Variants in CDH18 observed in about 807,000 individuals in gnomAD.
CDH18 encodes the protein cadherin 18.
In CDH18, 31 loss-of-function variants were observed where a neutral mutation model predicts 67.9. The observed-to-expected ratio is 0.46, with a 90% CI of 0.34 to 0.62. The LOEUF (loss-of-function observed/expected upper bound fraction) is 0.62. Among genes scored for constraint, CDH18 ranks in the 20% least tolerant of loss-of-function variants. The pLI is 0.01. For synonymous variants in CDH18, 362 were observed against 347.2 expected, an observed-to-expected ratio of 1.04 and a Z score of -0.48; for missense variants, 890 against 975.5, an observed-to-expected ratio of 0.91 and a Z score of 1.17.
chr5:20,506,391 G>A (rs1026797948), intron 1 of CDH18, among the ~76,000 whole-genome samples: 4 of 152,212 alleles, frequency 2.6e-5, no homozygotes, highest in African/African-American at 9.6e-5. Flanking sequence ...CCTGGCTCAG[G>A]ACTCAAATGA....
chr5:20,066,760 A>C (rs556289084), intron 2 of CDH18, among the ~76,000 whole-genome samples: 1 of 152,052 alleles, frequency 6.6e-6, no homozygotes, highest in African/African-American at 2.4e-5. Flanking sequence ...GAAGATCCTC[A>C]GCAAAAGTTT....
chr5:20,459,012 G>T (rs1030084023), intron 1 of CDH18, among the ~76,000 whole-genome samples: 5 of 146,898 alleles, frequency 3.4e-5, no homozygotes, highest in African/African-American at 1.3e-4. Context: ...GTATACATTT[G>T]AGCACATGCC....
intron 7 of CDH18, among the ~76,000 whole-genome samples, chr5:19,579,354 A>T (rs1742842392): frequency 1.3e-5 from 2 of 151,906 alleles, no homozygotes; most frequent in South Asian, 4.1e-4. Context: ...TGGGTGCTGA[A>T]ATCATATCTC....
chr5:19,550,218 G>A (rs1356921927), intron 8 of CDH18, among the ~76,000 whole-genome samples: 1 of 151,964 alleles, frequency 6.6e-6, no homozygotes, highest in Non-Finnish European at 1.5e-5. Context: ...CAGTAAACAT[G>A]GCTGCCCTTA....
At chr5:19,934,313 A>G (rs962816670) in intron 2 of CDH18, among the ~76,000 whole-genome samples, 17 of 151,468 alleles carry the variant, frequency 1.1e-4, no homozygotes, top group Non-Finnish European at 2.2e-4. Flanking sequence ...GTCCAGTGAC[A>G]TAAGTCTGAA....
chr5:20,248,428 G>A (rs1326397509), intron 2 of CDH18, among the ~76,000 whole-genome samples: 2 of 152,204 alleles, frequency 1.3e-5, no homozygotes, highest in East Asian at 3.9e-4. Context: ...TATGTGACAA[G>A]GGAAAACGTT....
At chr5:20,442,547 T>C (rs1561006080) in intron 1 of CDH18, among the ~76,000 whole-genome samples, 1 of 152,052 alleles carries the variant, frequency 6.6e-6, no homozygotes, top group East Asian at 1.9e-4. Context: ...GGCTCAATTA[T>C]GTAGAAAGGC....
At chr5:19,791,496 A>G (rs774071504) in intron 3 of CDH18, among the ~76,000 whole-genome samples, 1 of 152,146 alleles carries the variant, frequency 6.6e-6, no homozygotes, top group Non-Finnish European at 1.5e-5. Context: ...TAATTGTATT[A>G]TGTAAGGATA....
chr5:20,338,882 A>G (rs1740009978), intron 1 of CDH18, among the ~76,000 whole-genome samples: 1 of 152,186 alleles, frequency 6.6e-6, no homozygotes, highest in Admixed American at 6.5e-5. Context: ...AGGCAAAGAC[A>G]CCAACAGTGG....
At chr5:19,630,531 G>C (rs1286841388) in intron 5 of CDH18, among the ~76,000 whole-genome samples, 2 of 151,952 alleles carry the variant, frequency 1.3e-5, no homozygotes, top group African/African-American at 2.4e-5. Context: ...CTTGTATTTT[G>C]TCAGGTGGTC....
chr5:19,593,707 C>CCTTCTTCTTCTTCTTCTTCTTCTT (rs1554054958), intron 6 of CDH18, among the ~76,000 whole-genome samples: 1,666 of 33,122 alleles, frequency 0.05, 48 homozygotes, highest in Middle Eastern at 0.091. Flanking sequence ...TCCTCCTCCT[C>CCTTCTTCTTCTTCTTCTTCTTCTT]CTTCTTCTTC....
rs534530582 is a variant in CDH18, at chr5:20,219,167, A to G, written c.-518+36277T>C. On this transcript the variant is annotated intron_variant, in intron 2 of 14. Coordinates refer to the CDH18 transcript ENST00000507958. ...CAGAGATGAAAAATGAGACATTACAACCAATAATGTTGAAATTCAAGGGAT... is the reference window on the plus strand; with the variant it reads ...CAGAGATGAAAAATGAGACATTACAGCCAATAATGTTGAAATTCAAGGGAT... Among the ~76,000 whole-genome samples the G allele has an allele frequency of 1.5e-3, 222 of 152,104 alleles. 2 individuals are homozygous for G. The highest frequency in any genetic ancestry group is 5.2e-3 in the African/African-American group (214 of 41,552).
chr5:20,410,080 C>T (rs1293580533), intron 1 of CDH18, among the ~76,000 whole-genome samples: 1 of 151,716 alleles, frequency 6.6e-6, no homozygotes, highest in Non-Finnish European at 1.5e-5. Flanking sequence ...AATGCAAATC[C>T]TTCCTAAACT....
chr5:19,718,700 C>G (rs1410084894), intron 5 of CDH18, among the ~76,000 whole-genome samples: 1 of 151,890 alleles, frequency 6.6e-6, no homozygotes, highest in Admixed American at 6.6e-5. Flanking sequence ...GGACAGATAT[C>G]CATAGGTTCC....
intron 4 of CDH18, among the ~76,000 whole-genome samples, chr5:19,740,021 A>T (rs1035194678): frequency 6.6e-6 from 1 of 152,214 alleles, no homozygotes. Context: ...GAGATGTTTC[A>T]ATACATTTCC....
intron 1 of CDH18, among the ~76,000 whole-genome samples, chr5:20,327,075 T>C (rs1264081686): frequency 2.0e-5 from 3 of 152,168 alleles, no homozygotes; most frequent in Non-Finnish European, 4.4e-5. Context: ...CTTTTTAAAT[T>C]AAAATTCAGG....
chr5:20,569,062 C>A (rs1246365095), intron 1 of CDH18, among the ~76,000 whole-genome samples: 1 of 152,182 alleles, frequency 6.6e-6, no homozygotes. Context: ...CATTAACCCA[C>A]CTATTATACT....
intron 2 of CDH18, among the ~76,000 whole-genome samples, chr5:19,865,775 G>C (rs907557595): frequency 3.5e-4 from 53 of 152,272 alleles, no homozygotes; most frequent in African/African-American, 1.2e-3. Context: ...TGTTGTTTAT[G>C]TAATACTGCC....
Position 19,491,528 on chromosome 5 carries a change from A to G in CDH18, c.1631-7976T>C, listed in dbSNP as rs188855537. ...CATTTAAAAATTCCCTTGATTTCCA[A>G]TGTGTATCAAACTACATACCTGCAT... On this transcript the variant is annotated intron_variant, in intron 11 of 12. Coordinates refer to ENST00000382275, the MANE Select transcript of CDH18 (RefSeq NM_004934.5). 8.3e-3 allele frequency among the ~76,000 whole-genome samples: 1,259 copies of G among 152,304 alleles called. 11 individuals are homozygous for G. Among genetic ancestry groups the G allele is most frequent in the South Asian group, 0.03 (147 of 4,830 alleles).
Sources: allele counts gnomAD v4.1 joint callset (sites outside exome capture counted in the v4.1 genomes callset), GRCh38; gene constraint gnomAD v4.1.1; transcripts MANE v1.5; gene names NCBI Gene and HGNC (gene_info 2026-07-23, HGNC 2026-07-21).